Variants in DHTKD1 observed in about 807,000 individuals in gnomAD.
DHTKD1 encodes dehydrogenase E1 and transketolase domain containing 1.
Under a neutral mutation model 101.8 loss-of-function variants are expected in DHTKD1, and 78 were observed. The ratio of observed to expected loss-of-function variants is 0.77; its 90% CI spans 0.64 to 0.93. DHTKD1 has a LOEUF of 0.93. DHTKD1 is among the 40% of genes least tolerant of loss of function. DHTKD1 has a pLI of 0.00. For missense variants in DHTKD1, 1,223 were observed against 1,161.7 expected, an observed-to-expected ratio of 1.05 and a Z score of -0.77; for synonymous variants, 462 against 450.3, an observed-to-expected ratio of 1.03 and a Z score of -0.33.
chr10:12,118,515 T>A (rs1384462308), intron 14 of DHTKD1, among the ~76,000 whole-genome samples: 1 of 151,926 alleles, frequency 6.6e-6, no homozygotes, highest in Admixed American at 6.6e-5. Context: ...CCCGAGTAGC[T>A]GGGACTACAG....
intron 15 of DHTKD1, 96 bp from the exon 16 acceptor site, chr10:12,120,086 T>C: frequency 2.2e-6 from 2 of 904,428 alleles, no homozygotes; most frequent in South Asian, 1.4e-5. Flanking sequence ...CACACCATCG[T>C]AAAGTTGAAA....
rs565312571 is a variant in DHTKD1 at position 12,110,028 on chromosome 10, G to A, written c.2154+2013G>A. Among the ~76,000 whole-genome samples, 4 of 152,248 alleles carry A rather than the reference G, an allele frequency of 2.6e-5. No individual in the cohort carries two copies. Among genetic ancestry groups the A allele is most frequent in the African/African-American group, 9.6e-5 (4 of 41,560 alleles). ...TGTAGCCCAATACAGGCTGGGCGTG[G>A]TGGCTCACTCCTGTAATCCCAGCAC... is the stretch of plus-strand genomic sequence containing the variant. On this transcript the variant is annotated intron_variant, in intron 12 of 16. Transcript: ENST00000263035. The surrounding 1 kb of genome is among the most constrained non-coding windows in gnomAD (Gnocchi z 4.9).
At chr10:12,093,596 C>T (rs1833024419) in intron 6 of DHTKD1, among the ~76,000 whole-genome samples, 2 of 152,196 alleles carry the variant, frequency 1.3e-5, no homozygotes, top group Non-Finnish European at 2.9e-5. Context: ...ACAGCCTGGA[C>T]TGGATGCCTC....
At chr10:12,099,793 C>CTTTTTTTTTT (rs55758504) in intron 8 of DHTKD1, among the ~76,000 whole-genome samples, 1 of 96,188 alleles carries the variant, frequency 1.0e-5, no homozygotes, top group Non-Finnish European at 2.1e-5. Flanking sequence ...AATTTCGTTG[C>CTTTTTTTTTT]TTTTTTTTTT....
Position 12,112,949 on chromosome 10 carries a change from T to C in DHTKD1, c.2204T>C (p.Phe735Ser). The C allele has an allele frequency of 1.2e-6, 2 of 1,613,628 alleles. No individual in the cohort carries two copies. The highest frequency in any genetic ancestry group is 2.2e-5 in the East Asian group (1 of 44,828). Reference protein sequence around the residue: ...EGVDGDTVNMFVVHPTTPAQY... With the variant: ...EGVDGDTVNMSVVHPTTPAQY... ...GTGGACGGAGACACTGTGAACATGT[T>C]TGTGGTTCACCCAACAACTCCTGCA... Residue 735 changes from phenylalanine (F) to serine (S), a missense_variant, in exon 13 of 17, where the codon TTT (phenylalanine) becomes TCT (serine). Coordinates refer to ENST00000263035, the MANE Select transcript of DHTKD1 (RefSeq NM_018706.7).
rs1832913945 is a variant in DHTKD1, at chr10:12,087,068, G to C, written c.523-467G>C. Among the ~76,000 whole-genome samples the C allele has an allele frequency of 6.6e-6, 1 of 152,156 alleles. No individual in the cohort carries two copies. Among genetic ancestry groups the C allele is most frequent in the Admixed American group, 6.6e-5 (1 of 15,250 alleles). ...TCAAAAGATGACATGTGGAAGACAG[G>C]CTCAGTACAAATGAATGGAACTGAA... is the stretch of plus-strand genomic sequence containing the variant. On this transcript the variant is annotated intron_variant, in intron 3 of 16. Coordinates refer to ENST00000263035, the MANE Select transcript of DHTKD1 (RefSeq NM_018706.7). The surrounding 1 kb of genome is among the most constrained non-coding windows in gnomAD (Gnocchi z 5.2).
At chr10:12,119,496 G>A (rs541565592) in intron 15 of DHTKD1, among the ~76,000 whole-genome samples, 7 of 150,644 alleles carry the variant, frequency 4.6e-5, no homozygotes, top group Admixed American at 3.3e-4. Context: ...GGCGCCTGTA[G>A]TCCCAGCTAC....
At chr10:12,099,345 C>T (rs536124668) in intron 8 of DHTKD1, among the ~76,000 whole-genome samples, 10 of 152,200 alleles carry the variant, frequency 6.6e-5, no homozygotes, top group South Asian at 6.2e-4. Context: ...CTCCCACCTC[C>T]GCAGAGGTAA....
chr10:12,119,480 G>T (rs1229658106), intron 15 of DHTKD1, among the ~76,000 whole-genome samples: 3 of 151,156 alleles, frequency 2.0e-5, no homozygotes, highest in African/African-American at 4.9e-5. Context: ...GCCGGGCGTG[G>T]TGGCGGGCGC....
At chr10:12,095,706 G>C (rs1205177169) in intron 7 of DHTKD1, among the ~76,000 whole-genome samples, 4 of 150,194 alleles carry the variant, frequency 2.7e-5, no homozygotes, top group Non-Finnish European at 4.4e-5. Context: ...CCAGCTACTC[G>C]GGAGGCTGAG....
At chr10:12,111,417 T>G (rs991786051) in intron 12 of DHTKD1, among the ~76,000 whole-genome samples, 9 of 152,182 alleles carry the variant, frequency 5.9e-5, no homozygotes, top group African/African-American at 2.2e-4. Context: ...CCTCCCACCT[T>G]GGCCTCCCAA....
chr10:12,117,085 C>G (rs997542910), intron 13 of DHTKD1, among the ~76,000 whole-genome samples: 3 of 151,822 alleles, frequency 2.0e-5, no homozygotes, highest in Non-Finnish European at 4.4e-5. Context: ...TCACTGCACC[C>G]TCTGCCTTCT....
intron 12 of DHTKD1, among the ~76,000 whole-genome samples, chr10:12,109,407 T>C (rs764482025): frequency 3.3e-5 from 5 of 151,454 alleles, no homozygotes; most frequent in Non-Finnish European, 7.4e-5. Flanking sequence ...AAACTACTAG[T>C]TGTTGAAGAA....
intron 7 of DHTKD1, among the ~76,000 whole-genome samples, chr10:12,095,809 T>A: frequency 1.1e-4 from 1 of 9,444 alleles, no homozygotes; most frequent in Non-Finnish European, 3.1e-4. Context: ...CGAGACTCCG[T>A]CTCAAAAAAA....
At chr10:12,114,763 C>CTTGGTTGG (rs140140326) in intron 13 of DHTKD1, among the ~76,000 whole-genome samples, 159 of 150,500 alleles carry the variant, frequency 1.1e-3, no homozygotes, top group African/African-American at 3.7e-3. Context: ...GCTTCCACCC[C>CTTGGTTGG]TTGGTTGGTT....
In DHTKD1 at chr10:12,120,194, G is replaced by C; in HGVS notation, c.2585G>C (p.Ser862Thr). ...KYKHVKDHIW[S>T]QEEPQNMGPW... ...TCTTCTCTCATAGATCATATTTGGAGTCAGGAGGAACCTCAGAACATGGGT... is the reference window on the plus strand; with the variant it reads ...TCTTCTCTCATAGATCATATTTGGACTCAGGAGGAACCTCAGAACATGGGT... The change falls in exon 16 of 17, where the codon AGT (serine) becomes ACT (threonine). Residue 862 changes from serine (S) to threonine (T), a missense_variant. By Grantham distance (58) the Ser-to-Thr change is moderately conservative. Coordinates refer to ENST00000263035, the MANE Select transcript of DHTKD1 (RefSeq NM_018706.7). 6.2e-7 allele frequency: 1 copy of C among 1,613,786 alleles called. No homozygotes were observed. The highest frequency in any genetic ancestry group is 2.2e-5 in the East Asian group (1 of 44,868).
Position 12,101,070 on chromosome 10 carries a change from T to C in DHTKD1, c.1785T>C (p.Asp595=). The C allele has an allele frequency of 6.2e-7, 1 of 1,614,068 alleles. No homozygotes were observed. The highest frequency in any genetic ancestry group is 8.5e-7 in the Non-Finnish European group (1 of 1,180,010). Residue 595 remains aspartate, a synonymous_variant, in exon 10 of 17, where the codon GAT becomes GAC. Coordinates refer to ENST00000263035, the MANE Select transcript of DHTKD1 (RefSeq NM_018706.7). ...TTAATGTTCGTCTAAGTGGCCAAGA[T>C]GTTGGTCGTGGAACTTTCAGTCAGA... ...QGFNVRLSGQ[D]VGRGTFSQRH...
At chr10:12,075,365 G>C (rs2399769) in intron 1 of DHTKD1, among the ~76,000 whole-genome samples, 41,179 of 151,670 alleles carry the variant, frequency 0.27, 5,739 homozygotes, top group Middle Eastern at 0.39. Flanking sequence ...GGTTTTTTTT[G>C]GTTTTGGTTT....
At chr10:12,080,470 C>T (rs1322575493) in intron 1 of DHTKD1, among the ~76,000 whole-genome samples, 2 of 151,490 alleles carry the variant, frequency 1.3e-5, no homozygotes, top group Admixed American at 1.3e-4. Context: ...CCCAGCACTT[C>T]AGGAGGCATG....
Sources: allele counts gnomAD v4.1 joint callset (sites outside exome capture counted in the v4.1 genomes callset), GRCh38; gene constraint gnomAD v4.1.1; non-coding constraint Gnocchi (gnomAD v3.1); transcripts MANE v1.5; gene names NCBI Gene and HGNC (gene_info 2026-07-23, HGNC 2026-07-21).